CACNB3: variants seen among roughly 807,000 people sequenced by gnomAD.
The protein encoded by CACNB3 is calcium voltage-gated channel auxiliary subunit beta 3, also known as voltage-dependent L-type calcium channel subunit beta-3.
In CACNB3, 36 loss-of-function variants were observed where a neutral mutation model predicts 63.7. The ratio of observed to expected loss-of-function variants is 0.57; its 90% confidence interval spans 0.43 to 0.75. CACNB3 has a LOEUF of 0.75. CACNB3 is among the 30% of genes least tolerant of loss of function. The probability of loss-of-function intolerance (pLI) is 0.00; values close to 1 mark genes in which losing one functional copy is unlikely to be tolerated. For missense variants in CACNB3, 493 were observed against 648.6 expected (o/e 0.76, Z 2.61); for synonymous variants, 241 against 250.6 (o/e 0.96, Z 0.36).
Position 48,825,641 on chromosome 12 carries a change from T to A in CACNB3, c.633-19T>A. On this transcript the variant is annotated intron_variant, in intron 8 of 12. Transcript: ENST00000301050. The surrounding 1 kb of genome is among the most constrained non-coding windows in gnomAD (Gnocchi z 4.5). ...GCACAGGTTTAGAAGCAAGCTGTGA[T>A]TCTCCACTCCCACCCCAGGATCTCC... 6.2e-7 allele frequency: 1 copy of A among 1,603,484 alleles called. No homozygotes were observed. The highest frequency in any genetic ancestry group is 8.5e-7 in the Non-Finnish European group (1 of 1,170,432).
upstream of CACNB3, chr12:48,815,445 A>G: frequency 1.1e-6 from 1 of 902,252 alleles, no homozygotes; most frequent in Non-Finnish European, 1.6e-6. Flanking sequence ...GCTGGGCTGA[A>G]AGGCAGGGAG....
intron 1 of CACNB3, chr12:48,819,819 A>G (rs371155023): frequency 1.7e-5 from 6 of 353,836 alleles, no homozygotes; most frequent in East Asian, 1.6e-4. Context: ...CACTGAGACA[A>G]ATCAGCTCAT....
At chr12:48,822,650 C>T (rs887417368) in intron 1 of CACNB3, among the ~76,000 whole-genome samples, 1 of 152,182 alleles carries the variant, frequency 6.6e-6, no homozygotes, top group Non-Finnish European at 1.5e-5. Context: ...CTGCCCACAC[C>T]TGGCTAGTTG....
chr12:48,815,673 C>T (rs1002328566), upstream of CACNB3: 8 of 1,529,264 alleles, frequency 5.2e-6, no homozygotes, highest in African/African-American at 1.4e-5. Context: ...GGGGAGAGGC[C>T]GCTAGCCTGG....
In CACNB3 at chr12:48,825,666, C is replaced by T. The variant is rs771581343; in HGVS notation, c.639C>T (p.Ser213=). 1 of 1,613,820 alleles carries T rather than the reference C, an allele frequency of 6.2e-7. No homozygotes were observed. The change falls in exon 9 of 13, where the codon TCC becomes TCT. Residue 213 remains serine (S), a synonymous_variant. Coordinates refer to ENST00000301050, the MANE Select transcript of CACNB3 (RefSeq NM_000725.4). The surrounding 1 kb of genome is among the most constrained non-coding windows in gnomAD (Gnocchi z 4.5). ...TTCTCCACTCCCACCCCAGGATCTCCATCACCCGAGTCACAGCCGACCTCT... is the reference window on the plus strand; with the variant it reads ...TTCTCCACTCCCACCCCAGGATCTCTATCACCCGAGTCACAGCCGACCTCT... The part of the protein sequence containing the change: ...FLKHRFDGRI[S]ITRVTADLSL...
chr12:48,820,883 C>T (rs577104805), intron 1 of CACNB3: 8 of 152,284 alleles, frequency 5.3e-5, no homozygotes, highest in Non-Finnish European at 1.0e-4. Flanking sequence ...CCAGATGCCT[C>T]AGGCGTTATG....
upstream of CACNB3, among the ~76,000 whole-genome samples, chr12:48,815,996 G>A (rs1942279914): frequency 6.6e-6 from 1 of 152,188 alleles, no homozygotes; most frequent in Admixed American, 6.5e-5. Context: ...TAGATTACAA[G>A]AAGGGCTCTG....
rs530990014 is a variant in CACNB3 at position 48,828,491 on chromosome 12, G to A, written c.*592G>A. ...CTGGAGCAGCAGGCTGGCCACGCTC[G>A]GGCCAGAGAGAGCTCACAGCTGAAG... On this transcript the variant is annotated 3_prime_UTR_variant, in exon 13 of 13. Transcript: ENST00000301050. The A allele has an allele frequency of 2.6e-5, 9 of 352,390 alleles. No individual in the cohort carries two copies. The highest frequency in any genetic ancestry group is 2.2e-4 in the East Asian group (3 of 13,372). 21.8% of individuals were successfully genotyped at this position (352,390 alleles called of 1,614,324 possible).
chr12:48,824,860 C>T, intron 5 of CACNB3, 89 bp from the exon 6 acceptor site: 1 of 1,518,998 alleles, frequency 6.6e-7, no homozygotes, highest in Non-Finnish European at 9.1e-7. Flanking sequence ...GGGGAGAAGC[C>T]AGTATCTCCC....
intron 1 of CACNB3, among the ~76,000 whole-genome samples, chr12:48,821,751 T>A (rs1366628722): frequency 1.3e-5 from 2 of 152,158 alleles, no homozygotes; most frequent in Non-Finnish European, 2.9e-5. Flanking sequence ...GTGCAAAGAT[T>A]ATTTCTGGGG....
At position 48,825,897 on chromosome 12, in the gene CACNB3, C is replaced by T. The variant is rs1431723014; in HGVS notation, c.742+128C>T. ...AGGCTGGAGTGCAGTGGTGAGATCTCGGCTCACTGCAACCTCCACCTCCTG... is the reference window on the plus strand; with the variant it reads ...AGGCTGGAGTGCAGTGGTGAGATCTTGGCTCACTGCAACCTCCACCTCCTG... On this transcript the variant is annotated intron_variant, in intron 9 of 12. Coordinates refer to ENST00000301050, the MANE Select transcript of CACNB3 (RefSeq NM_000725.4). The surrounding 1 kb of genome is among the most constrained non-coding windows in gnomAD (Gnocchi z 4.5). 8.0e-6 allele frequency: 5 copies of T among 622,386 alleles called. No homozygotes were observed. The highest frequency in any genetic ancestry group is 2.7e-5 in the Admixed American group (1 of 36,980). 38.6% of individuals were successfully genotyped at this position (622,386 alleles called of 1,614,324 possible). A position where few individuals can be genotyped will look rare whatever the true frequency, so the allele number is the denominator to read the frequency against.
At chr12:48,824,903 T>A in intron 5 of CACNB3, 46 bp from the exon 6 acceptor site, 1 of 1,611,754 alleles carries the variant, frequency 6.2e-7, no homozygotes, top group Non-Finnish European at 8.5e-7. Flanking sequence ...CCCAGGGACC[T>A]TTCCCCCTTC....
At position 48,824,707 on chromosome 12, in the gene CACNB3, A is replaced by G. The variant is rs78389150; in HGVS notation, c.446A>G (p.Asn149Ser). ...GNPSSLSDIG[N>S]RRSPPPSLAK... The stretch of plus-strand genomic sequence containing the variant: ...CCTTCCAGCCTGAGTGACATTGGCA[A>G]CCGACGCTCCCCTCCGCCATCTCTA... Residue 149 changes from asparagine (N) to serine (S), a missense_variant, in exon 5 of 13, where the codon AAC (asparagine) becomes AGC (serine). By Grantham distance (46) the Asn-to-Ser change is conservative. Coordinates refer to ENST00000301050, the MANE Select transcript of CACNB3 (RefSeq NM_000725.4). The G allele has an allele frequency of 6.2e-6, 10 of 1,613,500 alleles. No individual in the cohort carries two copies. Among genetic ancestry groups the G allele is most frequent in the Non-Finnish European group, 8.5e-6 (10 of 1,179,870 alleles).
intron 1 of CACNB3, chr12:48,819,932 T>C: frequency 3.3e-6 from 1 of 302,772 alleles, no homozygotes; most frequent in South Asian, 2.6e-5. Context: ...CAACTTTCCC[T>C]CAAATGTCCT....
At position 48,823,760 on chromosome 12, in the gene CACNB3, C is replaced by G; in HGVS notation, c.248C>G (p.Ser83Cys). The G allele has an allele frequency of 6.2e-7, 1 of 1,614,124 alleles. No individual in the cohort carries two copies. Among genetic ancestry groups the G allele is most frequent in the African/African-American group, 1.3e-5 (1 of 75,014 alleles). ...GATGAGGAGTGCCCAGTCCAGGGCT[C>G]TGGAGTCAACTTTGAGGCCAAAGAT... ...VLDEECPVQG[S>C]GVNFEAKDFL... Residue 83 changes from serine (S) to cysteine (C), a missense_variant, in exon 3 of 13, where the codon TCT becomes TGT. Coordinates refer to ENST00000301050, the MANE Select transcript of CACNB3 (RefSeq NM_000725.4). The surrounding 1 kb of genome is among the most constrained non-coding windows in gnomAD (Gnocchi z 4.2).
intron 3 of CACNB3, 28 bp from the exon 4 acceptor site, chr12:48,824,230 C>T (rs1333677443): frequency 6.3e-7 from 1 of 1,578,636 alleles, no homozygotes; most frequent in Non-Finnish European, 8.6e-7. Flanking sequence ...CTTCTCTCAC[C>T]ACCCCTTCCT....
At chr12:48,819,023 C>T (rs12369114) in intron 1 of CACNB3, 49 bp downstream of exon 1, 267,930 of 1,569,068 alleles carry the variant, frequency 0.17, 24,697 homozygotes, top group Non-Finnish European at 0.19. Context: ...GGTGACACCT[C>T]CTCTCCCTTC....
chr12:48,824,518 CA>C, intron 4 of CACNB3, 145 bp downstream of exon 4: 1 of 1,049,216 alleles, frequency 9.5e-7, no homozygotes, highest in South Asian at 1.5e-5. Context: ...CAACACTAAA[CA>C]AATCTACAAA....
intron 1 of CACNB3, chr12:48,821,103 G>A (rs1937825406): frequency 6.6e-6 from 1 of 151,430 alleles, no homozygotes; most frequent in Non-Finnish European, 1.5e-5. Context: ...AGAATTGCTT[G>A]AACCCGGGAG....
Sources: gnomAD v4.1 joint callset for allele counts (sites outside exome capture counted in the v4.1 genomes callset) on GRCh38, gnomAD v4.1.1 for gene constraint, Gnocchi (gnomAD v3.1) non-coding constraint, MANE v1.5 for transcripts, NCBI Gene and HGNC (gene_info 2026-07-23, HGNC 2026-07-21) for gene names.